Variants in TRAPPC10 observed in about 807,000 individuals in gnomAD.
TRAPPC10 encodes TRAPP 130 kDa subunit.
TRAPPC10 carries 23 observed loss-of-function variants against 125.5 expected under a neutral mutation model. The ratio of observed to expected loss-of-function variants is 0.18; its 90% CI spans 0.13 to 0.26. The LOEUF is 0.26. Among genes scored for constraint, TRAPPC10 ranks in the 10% least tolerant of loss-of-function variants. The pLI is 1.00. For missense variants in TRAPPC10, 1,123 were observed against 1,308.4 expected, an observed-to-expected ratio of 0.86 and a Z score of 2.19; for synonymous variants, 509 against 518.0, an observed-to-expected ratio of 0.98 and a Z score of 0.24.
chr21:44,025,534 AGTTT>A (rs1251782721), intron 1 of TRAPPC10, among the ~76,000 whole-genome samples: 1 of 152,146 alleles, frequency 6.6e-6, no homozygotes, highest in Non-Finnish European at 1.5e-5. Context: ...TTGAATTTTA[AGTTT>A]GCTCTCTGAG....
At chr21:44,045,993 T>C (rs1292914567) in intron 3 of TRAPPC10, among the ~76,000 whole-genome samples, 1 of 152,132 alleles carries the variant, frequency 6.6e-6, no homozygotes, top group African/African-American at 2.4e-5. Flanking sequence ...ATGACCTTTA[T>C]TGAGCATATC....
intron 3 of TRAPPC10, among the ~76,000 whole-genome samples, chr21:44,046,135 T>G (rs2034789626): frequency 6.6e-6 from 1 of 152,202 alleles, no homozygotes; most frequent in Non-Finnish European, 1.5e-5. Context: ...AATCAATAGC[T>G]TCTTTGAAGC....
intron 17 of TRAPPC10, chr21:44,089,207 G>A: frequency 6.1e-6 from 2 of 327,924 alleles, no homozygotes; most frequent in South Asian, 2.3e-5. Context: ...TATGTGCCGT[G>A]TTATCCTCTC....
At chr21:44,062,732 T>G (rs1601712474) in intron 6 of TRAPPC10, 1 of 985,250 alleles carries the variant, frequency 1.0e-6, no homozygotes, top group Non-Finnish European at 1.2e-6. Flanking sequence ...GGCTGGCAGG[T>G]CCACACCACA....
chr21:44,083,147 A>T lies in TRAPPC10; in HGVS notation c.2083A>T (p.Ile695Phe). The change falls in exon 14 of 23, where the codon ATC becomes TTC. Residue 695 changes from isoleucine (I) to phenylalanine (F), a missense_variant. Ile to Phe is a conservative substitution (Grantham distance 21). Around this residue, in one of 4 missense-constraint regions of TRAPPC10, gnomAD observed 840 missense variants for 902.0 expected, o/e 0.93. Transcript: ENST00000291574. ...SDNSLNTTGI[I>F]CRNVHMLLRR... is the part of the protein sequence containing the mutation. The stretch of plus-strand genomic sequence containing the variant: ...TAACTCCTTGAACACGACTGGGATT[A>T]TCTGCAGAAACGTCCACATGCTCCT... 1 of 1,614,224 alleles carries T rather than the reference A, an allele frequency of 6.2e-7. No homozygotes were observed. The highest frequency in any genetic ancestry group is 8.5e-7 in the Non-Finnish European group (1 of 1,180,040).
At chr21:44,017,747 T>C (rs139826704) in intron 1 of TRAPPC10, among the ~76,000 whole-genome samples, 24 of 152,184 alleles carry the variant, frequency 1.6e-4, no homozygotes, top group African/African-American at 4.3e-4. Flanking sequence ...GTTTTTTTTT[T>C]TTCTTCTTCT....
At chr21:44,072,887 T>C (rs1176571055) in intron 7 of TRAPPC10, among the ~76,000 whole-genome samples, 1 of 152,214 alleles carries the variant, frequency 6.6e-6, no homozygotes, top group Non-Finnish European at 1.5e-5. Context: ...CCAGATCTCC[T>C]GGCACCTGGG....
chr21:44,070,470 G>A (rs553578582), intron 7 of TRAPPC10, among the ~76,000 whole-genome samples: 5 of 152,340 alleles, frequency 3.3e-5, no homozygotes, highest in Admixed American at 2.0e-4. Flanking sequence ...CAAGCTGCAC[G>A]CTCTGCCATT....
Position 44,059,198 on chromosome 21 carries a change from C to T in TRAPPC10, c.774C>T (p.Val258=). The T allele has an allele frequency of 6.2e-7, 1 of 1,608,694 alleles. No homozygotes were observed. The highest frequency in any genetic ancestry group is 8.5e-7 in the Non-Finnish European group (1 of 1,178,056). The change falls in exon 6 of 23, where the codon GTC becomes GTT. Residue 258 remains valine (V), a synonymous_variant. Transcript: ENST00000291574. The surrounding 1 kb of genome is among the most constrained non-coding windows in gnomAD (Gnocchi z 4.4). Reference sequence around the variant, plus strand: ...ACGCCCTCTTCTCTCAGTATGTGGTCAACTTCGGGGCCGGGGGTGAGTAGT... The same window carrying T: ...ACGCCCTCTTCTCTCAGTATGTGGTTAACTTCGGGGCCGGGGGTGAGTAGT... The part of the protein sequence containing the change: ...ELDALFSQYV[V]NFGAGDGANW...
At chr21:44,050,931 G>A (rs2035190412) in intron 3 of TRAPPC10, among the ~76,000 whole-genome samples, 1 of 152,186 alleles carries the variant, frequency 6.6e-6, no homozygotes, top group Non-Finnish European at 1.5e-5. Context: ...TGGAGACGCA[G>A]TCTCGCTCTG....
chr21:44,048,379 C>T (rs1373919275), intron 3 of TRAPPC10, among the ~76,000 whole-genome samples: 1 of 152,188 alleles, frequency 6.6e-6, no homozygotes, highest in African/African-American at 2.4e-5. Context: ...GCTTGTTTCC[C>T]ATCTCTGAGT....
chr21:44,084,332 C>T (rs907214176), intron 15 of TRAPPC10, 69 bp downstream of exon 15: 5 of 1,465,074 alleles, frequency 3.4e-6, no homozygotes, highest in Non-Finnish European at 4.6e-6. Flanking sequence ...TGCTGAGATG[C>T]CAGGCTTCTC....
chr21:44,061,894 C>G (rs573581525), intron 6 of TRAPPC10, among the ~76,000 whole-genome samples: 1 of 152,210 alleles, frequency 6.6e-6, no homozygotes, highest in Non-Finnish European at 1.5e-5. Flanking sequence ...CCTATACATT[C>G]TAACTGAGGG....
intron 5 of TRAPPC10, among the ~76,000 whole-genome samples, chr21:44,057,809 T>C (rs1412174494): frequency 1.3e-5 from 2 of 152,148 alleles, no homozygotes; most frequent in Non-Finnish European, 2.9e-5. Context: ...TCTCACCTAG[T>C]GAGTGGGACC....
At chr21:44,068,021 G>A (rs2036577535) in intron 7 of TRAPPC10, among the ~76,000 whole-genome samples, 1 of 152,050 alleles carries the variant, frequency 6.6e-6, no homozygotes, top group African/African-American at 2.4e-5. Context: ...TCGGGAGGCT[G>A]GGGCGGGAGA....
At chr21:44,066,923 G>C (rs1050057488) in intron 7 of TRAPPC10, among the ~76,000 whole-genome samples, 3 of 152,200 alleles carry the variant, frequency 2.0e-5, no homozygotes, top group Non-Finnish European at 4.4e-5. Flanking sequence ...TAAGAAAAAA[G>C]TATGATACTT....
At chr21:44,079,290 T>C (rs2245462) in intron 11 of TRAPPC10, among the ~76,000 whole-genome samples, 50,068 of 152,078 alleles carry the variant, frequency 0.33, 12,006 homozygotes, top group African/African-American at 0.68. Context: ...GCTATGAAAG[T>C]TCCTCGACAT....
intron 1 of TRAPPC10, among the ~76,000 whole-genome samples, chr21:44,023,165 T>G (rs2032722108): frequency 1.3e-5 from 2 of 150,940 alleles, no homozygotes; most frequent in South Asian, 4.2e-4. Context: ...CCCGAGTAGC[T>G]GGGACTACAG....
rs1601699711 is a variant in TRAPPC10 at position 44,059,531 on chromosome 21, A to G, written c.790+317A>G. Reference sequence around the variant, plus strand: ...TGCTTCGATTCTGTCCCTCGTTAGAATCAGAGTGGACGTCCCTTTGCCTTC... The same window carrying G: ...TGCTTCGATTCTGTCCCTCGTTAGAGTCAGAGTGGACGTCCCTTTGCCTTC... On this transcript the variant is annotated intron_variant, in intron 6 of 22. Transcript: ENST00000291574. This position sits in a 1 kb window ranked among gnomAD's most constrained non-coding sequence, Gnocchi z 4.4. 1.3e-6 allele frequency: 1 copy of G among 743,584 alleles called. No homozygotes were observed. Among genetic ancestry groups the G allele is most frequent in the Non-Finnish European group, 2.5e-6 (1 of 398,236 alleles). 46.1% of individuals were successfully genotyped at this position (743,584 alleles called of 1,614,324 possible). A position where few individuals can be genotyped will look rare whatever the true frequency, so the allele number is the denominator to read the frequency against.
Sources: allele counts gnomAD v4.1 joint callset (sites outside exome capture counted in the v4.1 genomes callset), GRCh38; gene constraint gnomAD v4.1.1; regional missense constraint gnomAD v4.1.1; non-coding constraint Gnocchi (gnomAD v3.1); transcripts MANE v1.5; gene names NCBI Gene and HGNC (gene_info 2026-07-23, HGNC 2026-07-21).